FAM53A: variants seen among roughly 807,000 people sequenced by gnomAD.
The protein encoded by FAM53A is protein FAM53A.
In FAM53A, 28 loss-of-function variants were observed where a neutral mutation model predicts 26.6. The observed-to-expected ratio is 1.05, with a 90% CI of 0.78 to 1.45. The LOEUF (loss-of-function observed/expected upper bound fraction) is 1.45, where lower values mean the gene tolerates loss of function less well. Among genes scored for constraint, FAM53A ranks in the 40% most tolerant of loss-of-function variants. The probability of loss-of-function intolerance (pLI) is 0.00; values close to 1 mark genes in which losing one functional copy is unlikely to be tolerated. For missense variants in FAM53A, 650 were observed against 575.8 expected (o/e 1.13, Z -1.32); for synonymous variants, 290 against 253.1 (o/e 1.15, Z -1.38).
At chr4:1,576,780 C>T in the FAM53A span, among the ~76,000 whole-genome samples, 4 of 152,212 alleles carry the variant, frequency 2.6e-5, no homozygotes, top group African/African-American at 9.6e-5. Flanking sequence ...CCCCTGGGGA[C>T]AGCCCCAGGA....
intron 1 of FAM53A, among the ~76,000 whole-genome samples, chr4:1,675,670 A>T (rs1577155304): frequency 6.6e-6 from 1 of 152,086 alleles, no homozygotes; most frequent in South Asian, 2.1e-4. Context: ...AGCAGCCTAC[A>T]CTCATTCCCA....
intron 1 of FAM53A, among the ~76,000 whole-genome samples, chr4:1,677,519 TG>T (rs1033304457): frequency 1.3e-5 from 2 of 152,318 alleles, no homozygotes; most frequent in African/African-American, 2.4e-5. Flanking sequence ...CTGCTTTTCA[TG>T]GGGGGTTTTA....
intron 1 of FAM53A, among the ~76,000 whole-genome samples, chr4:1,677,740 C>G (rs2109054991): frequency 6.6e-6 from 1 of 152,044 alleles, no homozygotes; most frequent in East Asian, 1.9e-4. Flanking sequence ...GAGAACTCAC[C>G]CTGAGACCAG....
the FAM53A span, among the ~76,000 whole-genome samples, chr4:1,612,805 G>A: frequency 6.6e-6 from 1 of 152,202 alleles, no homozygotes; most frequent in Non-Finnish European, 1.5e-5. Flanking sequence ...CTGCACAAAT[G>A]TGGGTGCTTG....
intron 4 of FAM53A, among the ~76,000 whole-genome samples, chr4:1,643,595 C>G (rs1711957430): frequency 7.1e-6 from 1 of 140,346 alleles, no homozygotes; most frequent in Non-Finnish European, 1.5e-5. Flanking sequence ...GAGACAGGGT[C>G]TTGCTCTGTT....
the FAM53A span, among the ~76,000 whole-genome samples, chr4:1,609,401 C>T: frequency 2.6e-5 from 4 of 152,046 alleles, no homozygotes; most frequent in Admixed American, 2.0e-4. Flanking sequence ...TGTGTCCCCA[C>T]CTAAATCTCA....
At chr4:1,579,484 C>G in the FAM53A span, among the ~76,000 whole-genome samples, 6 of 152,150 alleles carry the variant, frequency 3.9e-5, no homozygotes, top group Non-Finnish European at 7.4e-5. Context: ...GGGGAGGAGG[C>G]TTGGGCCGCA....
chr4:1,641,471 T>G lies in FAM53A; in HGVS notation c.1019A>C (p.Gln340Pro). 6.2e-7 allele frequency: 1 copy of G among 1,614,160 alleles called. No homozygotes were observed. Among genetic ancestry groups the G allele is most frequent in the Non-Finnish European group, 8.5e-7 (1 of 1,180,010 alleles). The change falls in exon 5 of 5, where the codon CAG becomes CCG. Residue 340 changes from glutamine to proline, a missense_variant. Transcript: ENST00000308132. ...GACAGGGCTGGTCCTGAGGCCCCTCTGGCTGCAGCCAGGCATGGTGATGCC... is the reference window on the plus strand; with the variant it reads ...GACAGGGCTGGTCCTGAGGCCCCTCGGGCTGCAGCCAGGCATGGTGATGCC... ...LPGITMPGCS[Q>P]RGLRTSPVHP...
At chr4:1,677,693 A>T (rs1715136854) in intron 1 of FAM53A, among the ~76,000 whole-genome samples, 1 of 152,158 alleles carries the variant, frequency 6.6e-6, no homozygotes, top group Non-Finnish European at 1.5e-5. Flanking sequence ...CTCACTGCAG[A>T]GGGATACAGT....
intron 1 of FAM53A, among the ~76,000 whole-genome samples, chr4:1,623,955 C>T (rs1560109535): frequency 6.6e-6 from 1 of 152,092 alleles, no homozygotes; most frequent in African/African-American, 2.4e-5. Context: ...CAAGCCTCCC[C>T]CGGGACCCTG....
chr4:1,598,892 T>C, the FAM53A span, among the ~76,000 whole-genome samples: 2 of 152,250 alleles, frequency 1.3e-5, no homozygotes, highest in Admixed American at 1.3e-4. Context: ...GTGATAAATG[T>C]TGGAGTCATG....
At chr4:1,661,287 C>T (rs1323273905) in intron 2 of FAM53A, among the ~76,000 whole-genome samples, 1 of 152,160 alleles carries the variant, frequency 6.6e-6, no homozygotes, top group African/African-American at 2.4e-5. Context: ...CCATATGGCT[C>T]ATCACCCACC....
At chr4:1,625,486 G>A (rs1360096920) in intron 1 of FAM53A, among the ~76,000 whole-genome samples, 2 of 80,850 alleles carry the variant, frequency 2.5e-5, no homozygotes, top group Admixed American at 1.1e-4. Context: ...GGTCACACCA[G>A]GTGATCAGAA....
At chr4:1,660,167 C>T (rs543400467) in intron 2 of FAM53A, among the ~76,000 whole-genome samples, 1 of 152,110 alleles carries the variant, frequency 6.6e-6, no homozygotes, top group Non-Finnish European at 1.5e-5. Context: ...CCTGTAATCC[C>T]AGCTACTTGG....
At chr4:1,676,482 C>T (rs575049140) in intron 1 of FAM53A, among the ~76,000 whole-genome samples, 15 of 152,166 alleles carry the variant, frequency 9.9e-5, no homozygotes, top group African/African-American at 1.7e-4. Context: ...CTGTTGGGGC[C>T]GGACCTCACT....
the FAM53A span, among the ~76,000 whole-genome samples, chr4:1,603,513 G>A: frequency 6.6e-6 from 1 of 152,132 alleles, no homozygotes; most frequent in African/African-American, 2.4e-5. Context: ...GGCAGCTCAG[G>A]GGCAGGGTGG....
At chr4:1,627,855 A>G (rs1715378543) in intron 1 of FAM53A, among the ~76,000 whole-genome samples, 1 of 151,734 alleles carries the variant, frequency 6.6e-6, no homozygotes, top group African/African-American at 2.4e-5. Flanking sequence ...TTGAGCCATG[A>G]GCCTCCCACC....
chr4:1,644,456 A>G, intron 4 of FAM53A: 1 of 1,336,806 alleles, frequency 7.5e-7, no homozygotes, highest in Non-Finnish European at 1.0e-6. Flanking sequence ...CAACAGCGCT[A>G]GCGAAGGCCA....
intron 4 of FAM53A, among the ~76,000 whole-genome samples, chr4:1,650,432 G>A (rs558955434): frequency 2.7e-5 from 4 of 150,082 alleles, no homozygotes; most frequent in Admixed American, 1.3e-4. Context: ...TGGCACAGGT[G>A]TGGTGTTTGA....
Sources: allele counts gnomAD v4.1 joint callset (sites outside exome capture counted in the v4.1 genomes callset), GRCh38; gene constraint gnomAD v4.1.1; transcripts MANE v1.5; gene names NCBI Gene and HGNC (gene_info 2026-07-23, HGNC 2026-07-21).